The following OXCT1 variants were observed in gnomAD, a reference collection of about 807,000 sequenced individuals.
OXCT1 encodes the protein succinyl-CoA:3-ketoacid coenzyme A transferase 1, mitochondrial.
A neutral mutation model predicts 69.6 loss-of-function variants in OXCT1; 27 were observed. The ratio of observed to expected loss-of-function variants is 0.39; its 90% CI spans 0.29 to 0.54. OXCT1 has a LOEUF of 0.54. Among genes scored for constraint, OXCT1 ranks in the 20% least tolerant of loss-of-function variants. The pLI, the probability that OXCT1 is intolerant of heterozygous loss-of-function variation, is 0.72. For missense variants in OXCT1, 437 were observed against 650.2 expected (o/e 0.67, Z 3.57); for synonymous variants, 202 against 217.8 (o/e 0.93, Z 0.64).
intron 13 of OXCT1, among the ~76,000 whole-genome samples, chr5:41,790,327 G>A (rs192942598): frequency 1.9e-4 from 29 of 152,298 alleles, no homozygotes; most frequent in East Asian, 5.8e-4. Flanking sequence ...TAGATTCAGC[G>A]GACTGCACAT....
chr5:41,853,070 C>CA (rs879645223), intron 4 of OXCT1, among the ~76,000 whole-genome samples: 94 of 140,980 alleles, frequency 6.7e-4, no homozygotes, highest in Admixed American at 9.2e-4. Context: ...GACTCTGCCT[C>CA]AAAAAAAAAA....
rs560118615 is a variant in OXCT1, at chr5:41,753,009, T to G, written c.1339-3402A>C. ...TGATCTCTTTAATTCTTTAGATGTC[T>G]GAATAAAATCCTGGGCCTAAGTTCT... On this transcript the variant is annotated intron_variant, in intron 14 of 16. Coordinates refer to ENST00000196371, the MANE Select transcript of OXCT1 (RefSeq NM_000436.4). Among the ~76,000 whole-genome samples the G allele has an allele frequency of 2.2e-4, 33 of 152,218 alleles. No individual in the cohort carries two copies. In the South Asian group the frequency reaches 6.4e-3, roughly 30 times the overall value.
intron 1 of OXCT1, among the ~76,000 whole-genome samples, chr5:41,869,050 G>A (rs957849126): frequency 1.2e-4 from 19 of 152,200 alleles, no homozygotes; most frequent in African/African-American, 4.6e-4. Flanking sequence ...ATTAGCTTCA[G>A]CACCGCTGCA....
chr5:41,782,675 A>AT (rs913020247), intron 13 of OXCT1, among the ~76,000 whole-genome samples: 1 of 151,978 alleles, frequency 6.6e-6, no homozygotes. Context: ...GATTGCAAAT[A>AT]TTTTCTCACA....
intron 1 of OXCT1, among the ~76,000 whole-genome samples, chr5:41,868,546 ACC>A: frequency 6.6e-6 from 1 of 152,030 alleles, no homozygotes; most frequent in Admixed American, 6.5e-5. Flanking sequence ...AAACGGTGAA[ACC>A]CCGTCTCTAC....
intron 15 of OXCT1, among the ~76,000 whole-genome samples, chr5:41,742,123 A>G (rs1049148085): frequency 9.8e-5 from 15 of 152,336 alleles, no homozygotes; most frequent in Admixed American, 9.2e-4. Flanking sequence ...TTCAGTAATC[A>G]GGGAGAGTAA....
chr5:41,756,269 G>A (rs1367131310), intron 14 of OXCT1, among the ~76,000 whole-genome samples: 1 of 152,012 alleles, frequency 6.6e-6, no homozygotes, highest in Non-Finnish European at 1.5e-5. Context: ...CTTTGTTTTT[G>A]TGGTCTGAAA....
chr5:41,856,986 C>G (rs935526926), intron 3 of OXCT1, among the ~76,000 whole-genome samples: 2 of 152,128 alleles, frequency 1.3e-5, no homozygotes, highest in African/African-American at 2.4e-5. Context: ...TCCACTGCAG[C>G]CTTCCCATCT....
chr5:41,737,474 A>C (rs1017087268), intron 16 of OXCT1, among the ~76,000 whole-genome samples: 1 of 152,206 alleles, frequency 6.6e-6, no homozygotes, highest in African/African-American at 2.4e-5. Context: ...GTGGATCTTG[A>C]AAATGTTATC....
intron 10 of OXCT1, among the ~76,000 whole-genome samples, chr5:41,801,622 C>G (rs1046780112): frequency 2.0e-5 from 3 of 152,108 alleles, no homozygotes; most frequent in African/African-American, 7.2e-5. Context: ...ATACAAACTA[C>G]ATCACATTAT....
intron 13 of OXCT1, among the ~76,000 whole-genome samples, chr5:41,769,785 T>C (rs903257500): frequency 3.9e-5 from 6 of 152,106 alleles, no homozygotes; most frequent in African/African-American, 1.2e-4. Flanking sequence ...ATTACTATTA[T>C]TATTTTTGAG....
intron 7 of OXCT1, among the ~76,000 whole-genome samples, chr5:41,818,716 G>C (rs2112322089): frequency 6.6e-6 from 1 of 152,196 alleles, no homozygotes; most frequent in African/African-American, 2.4e-5. Context: ...TCTAATATTA[G>C]GAGGCTGCCA....
At chr5:41,845,318 C>T (rs771770961) in intron 5 of OXCT1, among the ~76,000 whole-genome samples, 16 of 152,198 alleles carry the variant, frequency 1.1e-4, no homozygotes, top group Admixed American at 3.9e-4. Flanking sequence ...TCCCTGGCCA[C>T]CAGTCTGGAA....
At chr5:41,795,267 G>A (rs372981093) in intron 11 of OXCT1, among the ~76,000 whole-genome samples, 6 of 152,222 alleles carry the variant, frequency 3.9e-5, no homozygotes, top group East Asian at 3.9e-4. Context: ...TCGTTTGCTC[G>A]CCTGCTGCTC....
At chr5:41,804,743 C>T (rs1354147016) in intron 9 of OXCT1, among the ~76,000 whole-genome samples, 2 of 152,038 alleles carry the variant, frequency 1.3e-5, no homozygotes, top group African/African-American at 2.4e-5. Context: ...GAAAAGTTCT[C>T]CCAGTCAAGA....
In OXCT1 at chr5:41,730,962, G is replaced by A. The variant is rs1742591057; in HGVS notation, c.*767C>T. The A allele has an allele frequency of 6.6e-6, 1 of 152,052 alleles. No homozygotes were observed. The highest frequency in any genetic ancestry group is 6.5e-5 in the Admixed American group (1 of 15,270). 9.4% of individuals were successfully genotyped at this position (152,052 alleles called of 1,614,324 possible). A position where few individuals can be genotyped will look rare whatever the true frequency, so the allele number is the denominator to read the frequency against. On this transcript the variant is annotated 3_prime_UTR_variant, in exon 17 of 17. Transcript: ENST00000196371. ...CCCACAGCCCTTCTTGGCTTGAGAG[G>A]AGGTACAGTACAAGTAGCCCACAGG...
chr5:41,754,708 T>C (rs1375546008), intron 14 of OXCT1, among the ~76,000 whole-genome samples: 7 of 152,038 alleles, frequency 4.6e-5, no homozygotes, highest in East Asian at 1.9e-4. Flanking sequence ...GCCTACACTA[T>C]AGGGTTTCCA....
intron 7 of OXCT1, among the ~76,000 whole-genome samples, chr5:41,810,085 T>TAA (rs570860133): frequency 9.5e-5 from 14 of 147,628 alleles, no homozygotes; most frequent in African/African-American, 3.5e-4. Context: ...GAAAAGAGTT[T>TAA]AAAAAAAAAA....
chr5:41,809,731 T>C (rs1464432423), intron 7 of OXCT1, among the ~76,000 whole-genome samples: 3 of 152,034 alleles, frequency 2.0e-5, no homozygotes, highest in African/African-American at 7.2e-5. Flanking sequence ...TCAAAGAATG[T>C]TTCAACAGAA....
Sources: gnomAD v4.1 joint callset for allele counts (sites outside exome capture counted in the v4.1 genomes callset) on GRCh38, gnomAD v4.1.1 for gene constraint, MANE v1.5 for transcripts, NCBI Gene and HGNC (gene_info 2026-07-23, HGNC 2026-07-21) for gene names.